Variants in SLC47A2 observed in about 807,000 individuals in gnomAD.
SLC47A2 encodes multidrug and toxin extrusion protein 2.
A neutral mutation model predicts 67.7 loss-of-function variants in SLC47A2; 52 were observed. That is an observed-to-expected ratio of 0.77 (90% CI 0.61 to 0.97). SLC47A2 has a LOEUF of 0.97. Ranked by LOEUF, SLC47A2 falls within the 50% of genes least tolerant of loss-of-function variation. The probability of loss-of-function intolerance (pLI) is 0.00; values close to 1 mark genes in which losing one functional copy is unlikely to be tolerated. For missense variants in SLC47A2, 676 were observed against 712.3 expected, an observed-to-expected ratio of 0.95 and a Z score of 0.58; for synonymous variants, 278 against 292.9, an observed-to-expected ratio of 0.95 and a Z score of 0.52.
At chr17:19,710,830 T>C (rs191155018) in intron 5 of SLC47A2, among the ~76,000 whole-genome samples, 6 of 151,356 alleles carry the variant, frequency 4.0e-5, no homozygotes, top group Non-Finnish European at 7.4e-5. Flanking sequence ...TTTTTTTTTT[T>C]TGAGATGGAG....
intron 11 of SLC47A2, 35 bp downstream of exon 11, chr17:19,704,035 C>A: frequency 6.5e-7 from 1 of 1,538,668 alleles, no homozygotes; most frequent in Non-Finnish European, 8.8e-7. Flanking sequence ...CTCAGGCCAA[C>A]GTTTGAAGGC....
intron 5 of SLC47A2, among the ~76,000 whole-genome samples, chr17:19,710,060 A>C (rs1410858450): frequency 6.6e-6 from 1 of 152,160 alleles, no homozygotes; most frequent in African/African-American, 2.4e-5. Context: ...GGGACACCCC[A>C]CCTTCACCCT....
intron 13 of SLC47A2, among the ~76,000 whole-genome samples, chr17:19,688,124 AC>A (rs1379222766): frequency 1.3e-4 from 20 of 152,202 alleles, no homozygotes; most frequent in Admixed American, 1.1e-3. Flanking sequence ...AAACATTGAT[AC>A]AAAAATTCTC....
chr17:19,708,908 AAAG>A, intron 5 of SLC47A2, 148 bp from the exon 6 acceptor site: 1 of 1,012,770 alleles, frequency 9.9e-7, no homozygotes, highest in Non-Finnish European at 1.5e-6. Flanking sequence ...AGGTGCGGCC[AAAG>A]CCTACCCAGC....
chr17:19,679,256 T>TA (rs1242559865), intron 16 of SLC47A2, among the ~76,000 whole-genome samples: 4 of 152,206 alleles, frequency 2.6e-5, no homozygotes, highest in Admixed American at 1.3e-4. Context: ...CATGACAACT[T>TA]ACGCTCCCAG....
rs1283865538 is a variant in SLC47A2, at chr17:19,681,778, T to C, written c.1165-108A>G. 2.9e-6 allele frequency: 4 copies of C among 1,378,486 alleles called. No individual in the cohort carries two copies. The Admixed American group carries it at 8.6e-5, about 30-fold the overall frequency. The allele number at this position is 1,378,486 out of a possible 1,614,324, so 85.4% of individuals were successfully genotyped here. On this transcript the variant is annotated intron_variant, in intron 13 of 16. Coordinates refer to ENST00000433844, the MANE Select transcript of SLC47A2 (RefSeq NM_001099646.3). Reference sequence around the variant, plus strand: ...ATTCGCATGGCATTGCTTCACTGAGTTCTCACAGCACTGGATGGGTGCCCT... The same window carrying C: ...ATTCGCATGGCATTGCTTCACTGAGCTCTCACAGCACTGGATGGGTGCCCT...
intron 13 of SLC47A2, among the ~76,000 whole-genome samples, chr17:19,690,132 C>A (rs1007338575): frequency 1.3e-5 from 2 of 152,118 alleles, no homozygotes; most frequent in Non-Finnish European, 2.9e-5. Context: ...CTACAGTGAA[C>A]TCATTTTTGA....
chr17:19,688,000 A>G lies in SLC47A2; in HGVS notation c.1165-6330T>C, dbSNP rs2085462497. ...CAGTCCTATTAAATCTGTTCAAAAA[A>G]ATAAAGGAGGGAGGAATATTTCCAA... On this transcript the variant is annotated intron_variant, in intron 13 of 16. Transcript: ENST00000433844. Among the ~76,000 whole-genome samples the G allele has an allele frequency of 2.0e-5, 3 of 152,194 alleles. No individual in the cohort carries two copies. In the South Asian group the frequency reaches 6.2e-4, roughly 32 times the overall value.
At chr17:19,709,983 A>G (rs2086051914) in intron 5 of SLC47A2, among the ~76,000 whole-genome samples, 1 of 152,088 alleles carries the variant, frequency 6.6e-6, no homozygotes. Flanking sequence ...CTAGGCCCCA[A>G]AAAGGTCATG....
rs751453804 is a variant in SLC47A2, at chr17:19,713,866, C to T, written c.402G>A (p.Gln134=). ...CCTGCCGGAAGAGCAGCAGGATGTG[C>T]TGGGTGTTGAGGAAGAGCGCCCAGC... ...LPCWALFLNT[Q]HILLLFRQDP... is the part of the protein sequence containing the mutation. The change falls in exon 4 of 17, where the codon CAG becomes CAA. Residue 134 remains glutamine (Q), a synonymous_variant. Transcript: ENST00000433844. 5.6e-6 allele frequency: 9 copies of T among 1,613,630 alleles called. No individual in the cohort carries two copies. The East Asian group carries it at 1.8e-4, about 32-fold the overall frequency.
At chr17:19,683,635 A>G (rs1227138390) in intron 13 of SLC47A2, among the ~76,000 whole-genome samples, 4 of 152,198 alleles carry the variant, frequency 2.6e-5, no homozygotes, top group Middle Eastern at 3.2e-3. Context: ...TTCCTGGACA[A>G]TGGAGCCTGT....
chr17:19,716,367 A>T (rs974130221), intron 1 of SLC47A2, 66 bp downstream of exon 1: 8 of 1,525,528 alleles, frequency 5.2e-6, no homozygotes, highest in Middle Eastern at 3.5e-4. Flanking sequence ...CCTGCCTGCA[A>T]GGCAGACACC....
intron 13 of SLC47A2, 110 bp downstream of exon 13, chr17:19,702,495 T>G: frequency 1.3e-6 from 2 of 1,538,566 alleles, no homozygotes; most frequent in Non-Finnish European, 1.8e-6. Context: ...CAGTTAGCCC[T>G]TCATGTGTAT....
intron 13 of SLC47A2, among the ~76,000 whole-genome samples, chr17:19,686,979 C>G (rs1306221091): frequency 6.6e-6 from 1 of 152,184 alleles, no homozygotes; most frequent in Non-Finnish European, 1.5e-5. Context: ...TTTCATTCAG[C>G]TGCTGCAGAA....
chr17:19,712,929 GAAACACCC>G (rs1336529163), intron 4 of SLC47A2, among the ~76,000 whole-genome samples, 184 bp from the exon 5 acceptor site: 3 of 152,064 alleles, frequency 2.0e-5, no homozygotes, highest in Non-Finnish European at 4.4e-5. Flanking sequence ...AGGGGCAGCC[GAAACACCC>G]AAACACCCAG....
intron 13 of SLC47A2, among the ~76,000 whole-genome samples, chr17:19,689,244 C>A (rs1370913566): frequency 6.6e-6 from 1 of 151,146 alleles, no homozygotes; most frequent in Non-Finnish European, 1.5e-5. Context: ...AACCTAAAGA[C>A]CCCCACCAAA....
chr17:19,707,256 G>C (rs569134143), intron 8 of SLC47A2, among the ~76,000 whole-genome samples: 1 of 152,138 alleles, frequency 6.6e-6, no homozygotes, highest in Non-Finnish European at 1.5e-5. Flanking sequence ...CCTGGCAGGA[G>C]AAGGTCCTTG....
rs2085250699 is a variant in SLC47A2, at chr17:19,678,930, C to T, written c.1481-24G>A. 3 of 1,551,090 alleles carry T rather than the reference C, an allele frequency of 1.9e-6. No homozygotes were observed. In the Admixed American group the frequency reaches 5.9e-5, roughly 30 times the overall value. ...CACTGCGGAAGCAAACAGGAGCAAA[C>T]TCAGCAGGTCAGGGGTCAGAGGGAG... On this transcript the variant is annotated intron_variant, in intron 16 of 16. Transcript: ENST00000433844.
intron 4 of SLC47A2, 139 bp from the exon 5 acceptor site, chr17:19,712,884 G>C: frequency 1.3e-6 from 1 of 752,562 alleles, no homozygotes; most frequent in Non-Finnish European, 2.2e-6. Flanking sequence ...TCAGCATCAG[G>C]GGCTGCTGCT....
Sources: allele counts gnomAD v4.1 joint callset (sites outside exome capture counted in the v4.1 genomes callset), GRCh38; gene constraint gnomAD v4.1.1; transcripts MANE v1.5; gene names NCBI Gene and HGNC (gene_info 2026-07-23, HGNC 2026-07-21).